STK32B: variants seen among roughly 807,000 people sequenced by gnomAD.
STK32B encodes the protein serine/threonine kinase 32B, also known as serine/threonine-protein kinase 32B.
A neutral mutation model predicts 52.6 loss-of-function variants in STK32B; 43 were observed. The ratio of observed to expected loss-of-function variants is 0.82; its 90% CI spans 0.64 to 1.05. STK32B has a LOEUF of 1.05. Ranked by LOEUF, STK32B falls within the 50% of genes least tolerant of loss-of-function variation. The probability of loss-of-function intolerance (pLI) is 0.00; values close to 1 mark genes in which losing one functional copy is unlikely to be tolerated. For synonymous variants in STK32B, 238 were observed against 204.3 expected (o/e 1.17, Z -1.41); for missense variants, 621 against 534.6 (o/e 1.16, Z -1.59).
At chr4:5,107,323 T>C (rs1021190854) in intron 1 of STK32B, among the ~76,000 whole-genome samples, 3 of 152,192 alleles carry the variant, frequency 2.0e-5, no homozygotes, top group Admixed American at 2.0e-4. Flanking sequence ...GTATAATTAT[T>C]TCATTATATA....
In STK32B at chr4:5,243,340, A is replaced by T. The variant is rs562847247; in HGVS notation, c.260+74890A>T. On this transcript the variant is annotated intron_variant, in intron 3 of 11. Coordinates refer to ENST00000282908, the MANE Select transcript of STK32B (RefSeq NM_018401.3). Reference sequence around the variant, plus strand: ...TAAGTATTTTATTCTCTTTGAAGCAATTGTGAATGGGAGTTCACTCATGAT... The same window carrying T: ...TAAGTATTTTATTCTCTTTGAAGCATTTGTGAATGGGAGTTCACTCATGAT... Among the ~76,000 whole-genome samples the T allele has an allele frequency of 1.2e-4, 18 of 152,244 alleles. No homozygotes were observed. In the East Asian group the frequency reaches 3.3e-3, roughly 28 times the overall value.
intron 4 of STK32B, among the ~76,000 whole-genome samples, chr4:5,387,754 G>A (rs1736350060): frequency 6.8e-6 from 1 of 147,790 alleles, no homozygotes; most frequent in South Asian, 2.3e-4. Context: ...TTATTCGTTT[G>A]TTTGTTTTGA....
rs1482371691 is a variant in STK32B, at chr4:5,498,960, G to C, written c.1122G>C (p.Gln374His). The C allele has an allele frequency of 6.2e-7, 1 of 1,612,736 alleles. No individual in the cohort carries two copies. Residue 374 changes from glutamine (Q) to histidine (H), a missense_variant, in exon 12 of 12, where the codon CAG becomes CAC. By Grantham distance (24) the Gln-to-His change is conservative. Coordinates refer to ENST00000282908, the MANE Select transcript of STK32B (RefSeq NM_018401.3). Reference protein sequence around the residue: ...IFNREKLRRQQGQGSQLLDTD... With the variant: ...IFNREKLRRQHGQGSQLLDTD... ...TTGTTTGCAGGCTCAGGAGGCAGCA[G>C]GGACAGGGCAGCCAGCTCTTGGACA...
intron 4 of STK32B, among the ~76,000 whole-genome samples, chr4:5,337,843 AC>A (rs1325321704): frequency 6.6e-6 from 1 of 152,144 alleles, no homozygotes; most frequent in Non-Finnish European, 1.5e-5. Context: ...TATCACCTAA[AC>A]CCTGAAAATC....
At chr4:5,142,782 A>G (rs1352340460) in intron 2 of STK32B, among the ~76,000 whole-genome samples, 3 of 152,240 alleles carry the variant, frequency 2.0e-5, no homozygotes, top group African/African-American at 7.2e-5. Flanking sequence ...TTGGTCAAAC[A>G]TCGATCTAGA....
Position 5,168,716 on chromosome 4 carries a change from G to A in STK32B, c.260+266G>A, listed in dbSNP as rs576071962. Among the ~76,000 whole-genome samples, 17 of 152,338 alleles carry A rather than the reference G, an allele frequency of 1.1e-4. No homozygotes were observed. The South Asian group carries it at 1.7e-3, about 15-fold the overall frequency. On this transcript the variant is annotated intron_variant, in intron 3 of 11. Coordinates refer to ENST00000282908, the MANE Select transcript of STK32B (RefSeq NM_018401.3). ...GTGTTTTGCGTATTTGAGAAGATAC[G>A]TGGAACGTTATAAGAGAATGCCGAA...
intron 2 of STK32B, among the ~76,000 whole-genome samples, chr4:5,157,646 A>G (rs916426175): frequency 2.6e-5 from 4 of 152,262 alleles, no homozygotes; most frequent in Admixed American, 6.5e-5. Flanking sequence ...AGCATGTAGC[A>G]GGCTGTGTAT....
chr4:5,468,661 G>A (rs970259162), intron 11 of STK32B, among the ~76,000 whole-genome samples: 2 of 152,172 alleles, frequency 1.3e-5, no homozygotes, highest in African/African-American at 4.8e-5. Context: ...AGAGACACAG[G>A]GAATCTGGGA....
intron 3 of STK32B, among the ~76,000 whole-genome samples, chr4:5,306,945 A>T (rs1729963825): frequency 6.6e-6 from 1 of 152,158 alleles, no homozygotes; most frequent in African/African-American, 2.4e-5. Flanking sequence ...TGTTTTGTTT[A>T]AGGAGGCTAA....
chr4:5,147,498 T>C (rs1407118525), intron 2 of STK32B, among the ~76,000 whole-genome samples: 3 of 152,064 alleles, frequency 2.0e-5, no homozygotes, highest in African/African-American at 7.2e-5. Context: ...CATTGTTTTG[T>C]TCTTAATTTT....
intron 3 of STK32B, among the ~76,000 whole-genome samples, chr4:5,274,360 C>A (rs1269539505): frequency 6.6e-6 from 1 of 151,970 alleles, no homozygotes; most frequent in Non-Finnish European, 1.5e-5. Flanking sequence ...ATGTCTCTGC[C>A]CTCATGAAGC....
intron 2 of STK32B, among the ~76,000 whole-genome samples, chr4:5,153,657 T>C (rs184239381): frequency 4.9e-4 from 75 of 152,306 alleles, no homozygotes; most frequent in African/African-American, 1.8e-3. Flanking sequence ...GATATGACTC[T>C]TGCCACACCT....
intron 4 of STK32B, among the ~76,000 whole-genome samples, chr4:5,390,965 T>C (rs1278610784): frequency 1.2e-5 from 1 of 85,950 alleles, no homozygotes; most frequent in Non-Finnish European, 2.1e-5. Context: ...CTTTTCTATC[T>C]TTTTTTTTTT....
At chr4:5,208,168 GC>G (rs144710177) in intron 3 of STK32B, among the ~76,000 whole-genome samples, 4,901 of 152,238 alleles carry the variant, frequency 0.032, 134 homozygotes, top group South Asian at 0.098. Flanking sequence ...TACCTCTTGA[GC>G]CCTGACCATG....
chr4:5,129,571 C>A (rs1054548971), intron 1 of STK32B, among the ~76,000 whole-genome samples: 20 of 152,164 alleles, frequency 1.3e-4, no homozygotes, highest in Admixed American at 4.6e-4. Flanking sequence ...CCTATTTATT[C>A]TCCTAAGAAT....
chr4:5,413,265 G>T (rs1711861791), intron 5 of STK32B, among the ~76,000 whole-genome samples: 1 of 152,190 alleles, frequency 6.6e-6, no homozygotes, highest in Non-Finnish European at 1.5e-5. Flanking sequence ...GTCTGCATCA[G>T]TTGGGATACT....
At chr4:5,429,244 A>T (rs1413923460) in intron 6 of STK32B, among the ~76,000 whole-genome samples, 1 of 119,074 alleles carries the variant, frequency 8.4e-6, no homozygotes, top group Non-Finnish European at 2.0e-5. Context: ...ATCCAGTCTA[A>T]CAGTATCTGT....
At chr4:5,210,044 T>C (rs2108784921) in intron 3 of STK32B, among the ~76,000 whole-genome samples, 1 of 152,326 alleles carries the variant, frequency 6.6e-6, no homozygotes, top group Admixed American at 6.5e-5. Flanking sequence ...GCTTAAATTG[T>C]GCGTCATTGA....
At chr4:5,371,375 G>C (rs1397039826) in intron 4 of STK32B, among the ~76,000 whole-genome samples, 1 of 152,044 alleles carries the variant, frequency 6.6e-6, no homozygotes, top group Non-Finnish European at 1.5e-5. Context: ...CAAAGGTGAG[G>C]GTTTCTTGCT....
Sources: allele counts gnomAD v4.1 joint callset (sites outside exome capture counted in the v4.1 genomes callset), GRCh38; gene constraint gnomAD v4.1.1; transcripts MANE v1.5; gene names NCBI Gene and HGNC (gene_info 2026-07-23, HGNC 2026-07-21).